Variants in CELF2 observed in about 807,000 individuals in gnomAD.
CELF2 encodes the protein CUG triplet repeat RNA-binding protein 2.
CELF2 carries 8 observed loss-of-function variants against 62.6 expected under a neutral mutation model. The ratio of observed to expected loss-of-function variants is 0.13; its 90% CI spans 0.07 to 0.23. The LOEUF is 0.23. Ranked by LOEUF, CELF2 falls within the 10% of genes least tolerant of loss-of-function variation. The probability of loss-of-function intolerance (pLI) is 1.00; values close to 1 mark genes in which losing one functional copy is unlikely to be tolerated. For missense variants in CELF2, 333 were observed against 671.0 expected (o/e 0.50, Z 5.56); for synonymous variants, 258 against 250.0 (o/e 1.03, Z -0.30).
At chr10:10,763,479 G>C in the CELF2 span, among the ~76,000 whole-genome samples, 1 of 152,148 alleles carries the variant, frequency 6.6e-6, no homozygotes, top group Admixed American at 6.5e-5. Flanking sequence ...CACCCTGCAT[G>C]GTCATGCAAC....
chr10:10,749,653 A>C, the CELF2 span, among the ~76,000 whole-genome samples: 4 of 152,238 alleles, frequency 2.6e-5, no homozygotes, highest in Admixed American at 2.6e-4. Flanking sequence ...TGTATACATG[A>C]AAAGAAGGCT....
chr10:10,690,677 C>T, the CELF2 span, among the ~76,000 whole-genome samples: 21 of 151,968 alleles, frequency 1.4e-4, no homozygotes, highest in African/African-American at 4.4e-4. Context: ...GTCAGGGGTT[C>T]GAGAACAGTG....
At chr10:10,653,620 G>A in the CELF2 span, among the ~76,000 whole-genome samples, 1 of 135,806 alleles carries the variant, frequency 7.4e-6, no homozygotes, top group Non-Finnish European at 1.6e-5. Flanking sequence ...AATGACTACT[G>A]GGTACATAAC....
chr10:11,201,631 G>GAGAGGATGGACTTCAGC (rs2059234423), intron 2 of CELF2, among the ~76,000 whole-genome samples: 1 of 152,206 alleles, frequency 6.6e-6, no homozygotes, highest in South Asian at 2.1e-4. Context: ...CCTGAGGAAG[G>GAGAGGATGGACTTCAGC]AGAGGATGGA....
At chr10:10,646,946 T>G in the CELF2 span, among the ~76,000 whole-genome samples, 1 of 152,172 alleles carries the variant, frequency 6.6e-6, no homozygotes, top group Non-Finnish European at 1.5e-5. Flanking sequence ...CACAGCCTGG[T>G]CATGCCACTC....
chr10:11,065,564 GA>G (rs1339739742), intron 1 of CELF2, among the ~76,000 whole-genome samples: 1 of 152,084 alleles, frequency 6.6e-6, no homozygotes, highest in Non-Finnish European at 1.5e-5. Flanking sequence ...ATGTCAAAAT[GA>G]GGGGGGGATC....
At chr10:11,094,900 A>T (rs919694071) in intron 1 of CELF2, among the ~76,000 whole-genome samples, 1 of 152,228 alleles carries the variant, frequency 6.6e-6, no homozygotes, top group Admixed American at 6.5e-5. Context: ...TTTTAATTGA[A>T]TATCATTTTC....
At chr10:11,031,737 A>G (rs1052405553) in intron 1 of CELF2, among the ~76,000 whole-genome samples, 2 of 152,202 alleles carry the variant, frequency 1.3e-5, no homozygotes, top group Non-Finnish European at 2.9e-5. Flanking sequence ...ACAAAAATAC[A>G]GCCAAAGAAT....
the CELF2 span, among the ~76,000 whole-genome samples, chr10:10,575,874 C>G: frequency 6.6e-6 from 1 of 152,268 alleles, no homozygotes; most frequent in Non-Finnish European, 1.5e-5. Flanking sequence ...AAACATCTTT[C>G]AAGATCACAG....
chr10:10,896,763 A>G lies in CELF2; in HGVS notation c.54-23201A>G, dbSNP rs12573088. Reference sequence around the variant, plus strand: ...GCCAGCACTTCGGTCTCAAACTTCTAGCTTCTAGAATTGTGCAGAATAAAT... The same window carrying G: ...GCCAGCACTTCGGTCTCAAACTTCTGGCTTCTAGAATTGTGCAGAATAAAT... On this transcript the variant is annotated intron_variant, in intron 1 of 13. Transcript: ENST00000636488. 5.4e-4 allele frequency among the ~76,000 whole-genome samples: 83 copies of G among 152,342 alleles called. 1 individual carries two copies. The East Asian group carries it at 0.016, about 29-fold the overall frequency.
rs978247145 is a variant in CELF2 at position 11,243,263 on chromosome 10, T to C, written c.355-5890T>C. Among the ~76,000 whole-genome samples the C allele has an allele frequency of 1.3e-5, 2 of 151,456 alleles. No individual in the cohort carries two copies. Among genetic ancestry groups the C allele is most frequent in the Admixed American group, 1.3e-4 (2 of 15,178 alleles). ...GAAGGAGCCTTTGAAATTTCCCCTT[T>C]CGCTATGTTTCACTGGTTTTTAAAC... On this transcript the variant is annotated intron_variant, in intron 3 of 12. Coordinates refer to ENST00000633077, the MANE Select transcript of CELF2 (RefSeq NM_001326342.2). This position sits in a 1 kb window ranked among gnomAD's most constrained non-coding sequence, Gnocchi z 4.1.
intron 1 of CELF2, among the ~76,000 whole-genome samples, chr10:10,856,370 G>A (rs2059706785): frequency 6.6e-6 from 1 of 152,118 alleles, no homozygotes; most frequent in Admixed American, 6.5e-5. Context: ...TTTAAAAAAT[G>A]TTTGATCTCT....
chr10:11,119,355 A>G (rs2143986740), intron 1 of CELF2, among the ~76,000 whole-genome samples: 1 of 152,332 alleles, frequency 6.6e-6, no homozygotes, highest in Non-Finnish European at 1.5e-5. Flanking sequence ...GTAGATGTTC[A>G]CTATCCAATA....
intron 1 of CELF2, among the ~76,000 whole-genome samples, chr10:10,914,956 G>A (rs1017993663): frequency 2.0e-5 from 3 of 151,636 alleles, no homozygotes; most frequent in South Asian, 2.1e-4. Flanking sequence ...TGGTGAAACC[G>A]CATCTCTACT....
At position 11,300,731 on chromosome 10, in the gene CELF2, G is replaced by A. The variant is rs2093635710; in HGVS notation, c.976+12179G>A. The stretch of plus-strand genomic sequence containing the variant: ...TCCTACTTCCTCACAATCTTTTCCT[G>A]CGCAGTTGGAATTCCGCATCCAAGC... On this transcript the variant is annotated intron_variant, in intron 9 of 12. Coordinates refer to ENST00000633077, the MANE Select transcript of CELF2 (RefSeq NM_001326342.2). This position sits in a 1 kb window ranked among gnomAD's most constrained non-coding sequence, Gnocchi z 5.5. Among the ~76,000 whole-genome samples, 1 of 152,184 alleles carries A rather than the reference G, an allele frequency of 6.6e-6. No individual in the cohort carries two copies. The highest frequency in any genetic ancestry group is 1.5e-5 in the Non-Finnish European group (1 of 68,032).
In CELF2 at chr10:11,333,144, A is replaced by AGGAG. The variant is rs998378717; in HGVS notation, c.*4093_*4096dup. ...AGAGGAAACACTGAGGGTAGGGGAC[A>AGGAG]GGAGGCTCAGGACGCGCCCTCTGAA... On this transcript the variant is annotated 3_prime_UTR_variant, in exon 13 of 13. Transcript: ENST00000633077. 3.9e-5 allele frequency: 6 copies of AGGAG among 152,250 alleles called. No individual in the cohort carries two copies. The highest frequency in any genetic ancestry group is 1.4e-4 in the African/African-American group (6 of 41,464). The allele number at this position is 152,250 out of a possible 1,614,324, so 9.4% of individuals were successfully genotyped here.
At chr10:10,620,450 C>CAA in the CELF2 span, among the ~76,000 whole-genome samples, 36,372 of 88,050 alleles carry the variant, frequency 0.41, 7,944 homozygotes, top group South Asian at 0.61. Context: ...GGCTCAGTCT[C>CAA]AAAAAAAAAA....
chr10:10,613,345 C>A, the CELF2 span, among the ~76,000 whole-genome samples: 1 of 152,100 alleles, frequency 6.6e-6, no homozygotes, highest in East Asian at 1.9e-4. Flanking sequence ...AATATCCATG[C>A]ATGTTTACAT....
the CELF2 span, among the ~76,000 whole-genome samples, chr10:10,707,728 C>T: frequency 6.6e-6 from 1 of 152,136 alleles, no homozygotes. Flanking sequence ...AAGACAATCT[C>T]GTTTTTGATA....
Sources: gnomAD v4.1 joint callset for allele counts (sites outside exome capture counted in the v4.1 genomes callset) on GRCh38, gnomAD v4.1.1 for gene constraint, Gnocchi (gnomAD v3.1) non-coding constraint, MANE v1.5 for transcripts, NCBI Gene and HGNC (gene_info 2026-07-23, HGNC 2026-07-21) for gene names.